Variants in USH2A observed in about 807,000 individuals in gnomAD.
USH2A encodes usherin, also known as Usher syndrome 2A (autosomal recessive, mild).
In USH2A, 443 loss-of-function variants were observed where a neutral mutation model predicts 538.9. The ratio of observed to expected loss-of-function variants is 0.82; its 90% CI spans 0.76 to 0.89. The LOEUF is 0.89. Among genes scored for constraint, USH2A ranks in the 40% least tolerant of loss-of-function variants. The pLI is 0.00. For missense variants in USH2A, 6,633 were observed against 6,324.8 expected (o/e 1.05, Z -1.65); for synonymous variants, 2,413 against 2,273.5 (o/e 1.06, Z -1.75).
chr1:216,049,295 G>T (rs987988250), intron 30 of USH2A, among the ~76,000 whole-genome samples: 1 of 152,148 alleles, frequency 6.6e-6, no homozygotes, highest in Non-Finnish European at 1.5e-5. Context: ...GTCTTAAACG[G>T]AAGTGTTACA....
At chr1:216,181,085 G>T (rs893066033) in intron 20 of USH2A, among the ~76,000 whole-genome samples, 3 of 152,078 alleles carry the variant, frequency 2.0e-5, no homozygotes, top group Non-Finnish European at 4.4e-5. Flanking sequence ...AATATATTTT[G>T]CCACTTTCTT....
At chr1:216,086,853 C>G in intron 23 of USH2A, 33 bp from the exon 24 acceptor site, 1 of 1,511,856 alleles carries the variant, frequency 6.6e-7, no homozygotes, top group Non-Finnish European at 9.2e-7. Context: ...TACACCTTCA[C>G]CAGGATACTC....
At chr1:216,291,263 CGT>C (rs2036996139) in intron 10 of USH2A, among the ~76,000 whole-genome samples, 1 of 152,082 alleles carries the variant, frequency 6.6e-6, no homozygotes, top group South Asian at 2.1e-4. Context: ...GTTTTTCAAA[CGT>C]GTCATTTTTC....
intron 32 of USH2A, among the ~76,000 whole-genome samples, chr1:216,035,023 T>C (rs994128958): frequency 6.6e-6 from 1 of 152,192 alleles, no homozygotes; most frequent in African/African-American, 2.4e-5. Context: ...GATTATCACC[T>C]TTTCTAAATA....
intron 21 of USH2A, among the ~76,000 whole-genome samples, chr1:216,146,280 C>T (rs1202177031): frequency 6.6e-6 from 1 of 152,236 alleles, no homozygotes; most frequent in Admixed American, 6.5e-5. Flanking sequence ...TGGTGCCACA[C>T]TTCAATCTCT....
At position 215,625,588 on chromosome 1, in the gene USH2A, T is replaced by C; in HGVS notation, c.*193A>G. On this transcript the variant is annotated 3_prime_UTR_variant, in exon 72 of 72. Transcript: ENST00000307340. The stretch of plus-strand genomic sequence containing the variant: ...TTTTCATATGAATATTCTCTCTCAT[T>C]TAAGATGAGAAAAATATCATTTCTT... 1 of 627,312 alleles carries C rather than the reference T, an allele frequency of 1.6e-6. No homozygotes were observed. Among genetic ancestry groups the C allele is most frequent in the Non-Finnish European group, 2.9e-6 (1 of 349,652 alleles). The allele number at this position is 627,312 out of a possible 1,614,324, so 38.9% of individuals were successfully genotyped here.
At chr1:215,828,911 T>C (rs1431175292) in intron 47 of USH2A, among the ~76,000 whole-genome samples, 1 of 152,180 alleles carries the variant, frequency 6.6e-6, no homozygotes, top group Non-Finnish European at 1.5e-5. Context: ...TCAGCTGCAG[T>C]GTTTGTCATA....
At chr1:216,015,735 T>C (rs1668693464) in intron 32 of USH2A, among the ~76,000 whole-genome samples, 3 of 152,200 alleles carry the variant, frequency 2.0e-5, no homozygotes, top group South Asian at 4.1e-4. Flanking sequence ...TGGTATCTCA[T>C]TGTGGTTTTG....
intron 43 of USH2A, among the ~76,000 whole-genome samples, chr1:215,872,524 C>G (rs1054524466): frequency 6.6e-6 from 1 of 152,068 alleles, no homozygotes; most frequent in Non-Finnish European, 1.5e-5. Context: ...TTGTCATCAC[C>G]ATGAGAAAGA....
chr1:216,010,698 A>T (rs4655291), intron 32 of USH2A, among the ~76,000 whole-genome samples: 103,181 of 150,558 alleles, frequency 0.69, 35,533 homozygotes, highest in East Asian at 0.89. Context: ...TGGTGCCAAC[A>T]TAGACAATAC....
At chr1:216,069,954 C>T (rs1571932874) in intron 30 of USH2A, 147 bp downstream of exon 30, 9 of 931,888 alleles carry the variant, frequency 9.7e-6, no homozygotes, top group Middle Eastern at 2.5e-4. Context: ...CAGGCTTCCA[C>T]TACTTTAGAT....
At chr1:215,745,397 A>G (rs1558079649) in intron 58 of USH2A, among the ~76,000 whole-genome samples, 1 of 151,636 alleles carries the variant, frequency 6.6e-6, no homozygotes, top group Non-Finnish European at 1.5e-5. Flanking sequence ...AAGTCTTACA[A>G]TGTTTGCAGA....
At chr1:215,757,319 A>C (rs1358073478) in intron 58 of USH2A, among the ~76,000 whole-genome samples, 1 of 152,214 alleles carries the variant, frequency 6.6e-6, no homozygotes, top group African/African-American at 2.4e-5. Flanking sequence ...TTATAGCAGA[A>C]GGTGTTGGTC....
chr1:216,281,865 G>GTTTTTTTTTTTTTTTTTTTTTTTTT (rs766030449), intron 11 of USH2A, among the ~76,000 whole-genome samples: 4 of 96,474 alleles, frequency 4.1e-5, no homozygotes, highest in Non-Finnish European at 5.8e-5. Context: ...GTTTTTGTCT[G>GTTTTTTTTTTTTTTTTTTTTTTTTT]TTTTTTTTTT....
Position 216,258,361 on chromosome 1 carries a change from G to A in USH2A, c.1972-7263C>T, listed in dbSNP as rs142250964. Among the ~76,000 whole-genome samples, 5 of 152,134 alleles carry A rather than the reference G, an allele frequency of 3.3e-5. 1 individual carries two copies. In the East Asian group the frequency reaches 9.7e-4, roughly 29 times the overall value. The stretch of plus-strand genomic sequence containing the variant: ...TCGCCAGTTCAGCTAGTGGAAATAG[G>A]CACATACCCAGCATTACATGAGTGT... On this transcript the variant is annotated intron_variant, in intron 11 of 71. Transcript: ENST00000307340.
At chr1:215,839,379 C>T (rs770456109) in intron 46 of USH2A, among the ~76,000 whole-genome samples, 1 of 152,018 alleles carries the variant, frequency 6.6e-6, no homozygotes, top group African/African-American at 2.4e-5. Flanking sequence ...CACAAATAAT[C>T]GTATTGATTC....
chr1:216,405,791 G>A (rs2039386244), intron 3 of USH2A, among the ~76,000 whole-genome samples: 1 of 152,172 alleles, frequency 6.6e-6, no homozygotes, highest in South Asian at 2.1e-4. Flanking sequence ...GTCCTTCAAT[G>A]GGTGAAGGGT....
intron 41 of USH2A, 63 bp from the exon 42 acceptor site, chr1:215,879,161 C>T (rs901863193): frequency 2.7e-5 from 39 of 1,450,590 alleles, no homozygotes; most frequent in East Asian, 1.8e-4. Flanking sequence ...TTGAAGTTCA[C>T]GAGGCCTAGA....
rs535791092 is a variant in USH2A, at chr1:216,292,356, C to A, written c.1659G>T (p.Leu553Phe). 1.2e-5 allele frequency: 20 copies of A among 1,613,834 alleles called. No homozygotes were observed. In the South Asian group the frequency reaches 2.1e-4, roughly 17 times the overall value. ...FTEGLHCDRC[L>F]PLYNDKPFRQ... ...GGAAAGGCTTGTCATTATAAAGAGGCAAGCAGCGATCACACTAGAACAAAA... is the reference window on the plus strand; with the variant it reads ...GGAAAGGCTTGTCATTATAAAGAGGAAAGCAGCGATCACACTAGAACAAAA... Residue 553 changes from leucine (L) to phenylalanine (F), a missense_variant, in exon 10 of 72, where the codon TTG (leucine) becomes TTT (phenylalanine). Leu to Phe is a conservative substitution (Grantham distance 22, BLOSUM62 0). Coordinates refer to ENST00000307340, the MANE Select transcript of USH2A (RefSeq NM_206933.4).
Sources: gnomAD v4.1 joint callset for allele counts (sites outside exome capture counted in the v4.1 genomes callset) on GRCh38, gnomAD v4.1.1 for gene constraint, MANE v1.5 for transcripts, NCBI Gene and HGNC (gene_info 2026-07-23, HGNC 2026-07-21) for gene names.